The following GNAL variants were observed in gnomAD, a reference collection of about 807,000 sequenced individuals.
GNAL encodes G protein subunit alpha L.
A neutral mutation model predicts 55.1 loss-of-function variants in GNAL; 18 were observed. The observed-to-expected ratio is 0.33, with a 90% CI of 0.23 to 0.48. The LOEUF (loss-of-function observed/expected upper bound fraction) is 0.48. Among genes scored for constraint, GNAL ranks in the 20% least tolerant of loss-of-function variants. The pLI is 0.99. For synonymous variants in GNAL, 253 were observed against 237.0 expected (o/e 1.07, Z -0.62); for missense variants, 412 against 614.1 (o/e 0.67, Z 3.48).
At chr18:11,733,752 G>A (rs536322215) in intron 1 of GNAL, among the ~76,000 whole-genome samples, 10 of 152,128 alleles carry the variant, frequency 6.6e-5, no homozygotes, top group Admixed American at 5.2e-4. Flanking sequence ...AGAGAGGCAG[G>A]ATGTGAGGGA....
At chr18:11,712,508 G>T (rs572719811) in intron 1 of GNAL, among the ~76,000 whole-genome samples, 1 of 152,210 alleles carries the variant, frequency 6.6e-6, no homozygotes, top group African/African-American at 2.4e-5. Flanking sequence ...AAATTTTTCA[G>T]CGGGGCTGGG....
At chr18:11,769,968 A>G (rs2033582590) in intron 4 of GNAL, among the ~76,000 whole-genome samples, 1 of 152,232 alleles carries the variant, frequency 6.6e-6, no homozygotes, top group African/African-American at 2.4e-5. Context: ...TTTGAAAAAT[A>G]TGTAACATGA....
intron 4 of GNAL, among the ~76,000 whole-genome samples, chr18:11,795,902 G>A (rs945237351): frequency 2.0e-5 from 3 of 152,234 alleles, no homozygotes; most frequent in Non-Finnish European, 4.4e-5. Context: ...CATGGGTTAA[G>A]AGTAAAAAAT....
chr18:11,721,859 C>G (rs1263074514), intron 1 of GNAL, among the ~76,000 whole-genome samples: 1 of 151,390 alleles, frequency 6.6e-6, no homozygotes, highest in Non-Finnish European at 1.5e-5. Context: ...GCACTCCAGC[C>G]TGGGAGACAA....
At chr18:11,768,608 A>C (rs1302039025) in intron 4 of GNAL, among the ~76,000 whole-genome samples, 1 of 149,962 alleles carries the variant, frequency 6.7e-6, no homozygotes, top group African/African-American at 2.5e-5. Context: ...TCTCGAAAAA[A>C]AAAAGGCCAG....
intron 4 of GNAL, among the ~76,000 whole-genome samples, chr18:11,775,964 T>C (rs2033770865): frequency 6.6e-6 from 1 of 152,202 alleles, no homozygotes; most frequent in Admixed American, 6.5e-5. Flanking sequence ...ACTGGGATGT[T>C]TGCTCACCTA....
At chr18:11,873,884 C>T (rs917863157) in intron 10 of GNAL, among the ~76,000 whole-genome samples, 6 of 152,122 alleles carry the variant, frequency 3.9e-5, no homozygotes, top group African/African-American at 7.2e-5. Context: ...CCTCCCCAGG[C>T]CCTTCCCTCT....
chr18:11,711,097 G>A (rs192371217), intron 1 of GNAL, among the ~76,000 whole-genome samples: 104 of 152,148 alleles, frequency 6.8e-4, no homozygotes, highest in African/African-American at 2.5e-3. Flanking sequence ...GGATGGTCTC[G>A]ATCTCCTGAC....
In GNAL at chr18:11,752,668, C is replaced by A. The variant is rs957386609; in HGVS notation, c.377-185C>A. On this transcript the variant is annotated intron_variant, in intron 1 of 11. Coordinates refer to ENST00000334049, the MANE Select transcript of GNAL (RefSeq NM_182978.4). The surrounding 1 kb of genome is among the most constrained non-coding windows in gnomAD (Gnocchi z 4.5). ...GCCAGGCTGGGCGGGCAGGGCCGGG[C>A]GAGGGTCGCGCGCACCTCTGGGCCG... The A allele has an allele frequency of 1.8e-5, 23 of 1,312,742 alleles. No individual in the cohort carries two copies. The South Asian group carries it at 4.1e-4, about 24-fold the overall frequency. The allele number at this position is 1,312,742 out of a possible 1,614,324, so 81.3% of individuals were successfully genotyped here.
intron 1 of GNAL, among the ~76,000 whole-genome samples, chr18:11,744,815 A>G (rs1338795424): frequency 1.1e-4 from 17 of 152,236 alleles, no homozygotes; most frequent in Non-Finnish European, 8.8e-5. Flanking sequence ...GGCTCCAGCA[A>G]TCCTCCTGCC....
intron 1 of GNAL, among the ~76,000 whole-genome samples, chr18:11,691,408 G>A (rs1201329466): frequency 6.6e-6 from 1 of 151,132 alleles, no homozygotes; most frequent in African/African-American, 2.5e-5. Flanking sequence ...CATTTTGTAG[G>A]TTGCCTGTTT....
intron 1 of GNAL, among the ~76,000 whole-genome samples, chr18:11,694,244 T>C (rs141091943): frequency 6.6e-6 from 1 of 152,192 alleles, no homozygotes; most frequent in East Asian, 1.9e-4. Flanking sequence ...AGTCCTCTAG[T>C]GGAAATAAAG....
intron 5 of GNAL, among the ~76,000 whole-genome samples, chr18:11,851,001 G>C (rs1425451299): frequency 7.2e-5 from 11 of 152,230 alleles, no homozygotes; most frequent in Non-Finnish European, 7.3e-5. Flanking sequence ...TGCTAATAAA[G>C]CAAGCGTTAG....
intron 1 of GNAL, among the ~76,000 whole-genome samples, chr18:11,695,534 A>G (rs563097997): frequency 1.3e-5 from 2 of 152,348 alleles, no homozygotes; most frequent in South Asian, 4.1e-4. Context: ...TCTGCTATTG[A>G]GTCCATGGAG....
In GNAL at chr18:11,876,412, G is replaced by A. The variant is rs148933054; in HGVS notation, c.1163-209G>A. Among the ~76,000 whole-genome samples the A allele has an allele frequency of 0.011, 1,583 of 147,754 alleles. 30 individuals carry two copies. Among genetic ancestry groups the A allele is most frequent in the African/African-American group, 0.038 (1,483 of 39,424 alleles). ...GGGGAGGTGGAGGTTGCAGTGAGCC[G>A]AGATCATGCCACTGCACTCCAGCCT... On this transcript the variant is annotated intron_variant, in intron 10 of 11. Coordinates refer to ENST00000334049, the MANE Select transcript of GNAL (RefSeq NM_182978.4).
chr18:11,723,611 A>G (rs1287231287), intron 1 of GNAL, among the ~76,000 whole-genome samples: 1 of 152,224 alleles, frequency 6.6e-6, no homozygotes, highest in African/African-American at 2.4e-5. Context: ...TCCTTCACAC[A>G]CAAAGGTGGT....
Position 11,885,591 on chromosome 18 carries a change from C to T in GNAL, c.*4456C>T. ...TGTGTGTGGCTTTTGTAAATTTTGA[C>T]CGATTGCAGCAATTAAATAGTTGAT... is the stretch of plus-strand genomic sequence containing the variant. On this transcript the variant is annotated 3_prime_UTR_variant, in exon 12 of 12. Coordinates refer to ENST00000334049, the MANE Select transcript of GNAL (RefSeq NM_182978.4). The T allele has an allele frequency of 6.7e-7, 1 of 1,485,142 alleles. No homozygotes were observed. The highest frequency in any genetic ancestry group is 2.3e-5 in the East Asian group (1 of 42,874). The allele number at this position is 1,485,142 out of a possible 1,614,324, so 92.0% of individuals were successfully genotyped here. A position where few individuals can be genotyped will look rare whatever the true frequency, so the allele number is the denominator to read the frequency against.
intron 1 of GNAL, among the ~76,000 whole-genome samples, chr18:11,716,149 G>A (rs1031252689): frequency 3.3e-5 from 5 of 152,124 alleles, no homozygotes; most frequent in African/African-American, 7.2e-5. Flanking sequence ...CTCATTACTG[G>A]GTATATACCC....
intron 1 of GNAL, among the ~76,000 whole-genome samples, chr18:11,714,694 T>C (rs908768491): frequency 1.1e-4 from 17 of 152,174 alleles, no homozygotes; most frequent in African/African-American, 4.1e-4. Flanking sequence ...GAGCAGTTAG[T>C]GAGGGAGGCC....
Sources: gnomAD v4.1 joint callset for allele counts (sites outside exome capture counted in the v4.1 genomes callset) on GRCh38, gnomAD v4.1.1 for gene constraint, Gnocchi (gnomAD v3.1) non-coding constraint, MANE v1.5 for transcripts, NCBI Gene and HGNC (gene_info 2026-07-23, HGNC 2026-07-21) for gene names.